MDM1: variants seen among roughly 807,000 people sequenced by gnomAD.
MDM1 encodes the protein Mdm1 nuclear protein.
A neutral mutation model predicts 89.1 loss-of-function variants in MDM1; 61 were observed. The ratio of observed to expected loss-of-function variants is 0.68; its 90% CI spans 0.56 to 0.85. MDM1 has a LOEUF of 0.85. Ranked by LOEUF, MDM1 falls within the 40% of genes least tolerant of loss-of-function variation. MDM1 has a pLI of 0.00. For missense variants in MDM1, 820 were observed against 846.5 expected, an observed-to-expected ratio of 0.97 and a Z score of 0.39; for synonymous variants, 290 against 294.1, an observed-to-expected ratio of 0.99 and a Z score of 0.14.
intron 8 of MDM1, 93 bp from the exon 9 acceptor site, chr12:68,316,346 C>G: frequency 1.5e-6 from 2 of 1,370,210 alleles, no homozygotes; most frequent in Non-Finnish European, 2.0e-6. Flanking sequence ...ACAAATACAG[C>G]CAGGGACCAA....
intron 4 of MDM1, among the ~76,000 whole-genome samples, chr12:68,324,746 G>A (rs551084888): frequency 7.2e-5 from 11 of 152,190 alleles, no homozygotes; most frequent in Non-Finnish European, 1.6e-4. Context: ...GATATTCCAA[G>A]TGGAGGTATT....
chr12:68,329,152 C>G (rs1219517773), intron 2 of MDM1, among the ~76,000 whole-genome samples: 1 of 152,092 alleles, frequency 6.6e-6, no homozygotes, highest in Admixed American at 6.6e-5. Flanking sequence ...AATGGAGGTT[C>G]AAATATGTGG....
chr12:68,330,400 A>C (rs1488986022), intron 2 of MDM1, among the ~76,000 whole-genome samples: 3 of 152,162 alleles, frequency 2.0e-5, no homozygotes, highest in Non-Finnish European at 4.4e-5. Context: ...CCAAATTACA[A>C]AGTTTTTCAG....
At chr12:68,315,346 T>C (rs1364202793) in intron 9 of MDM1, 81 bp from the exon 10 acceptor site, 1 of 1,325,996 alleles carries the variant, frequency 7.5e-7, no homozygotes, top group Non-Finnish European at 1.0e-6. Flanking sequence ...GAGTCCATCA[T>C]TTCCTTCTAC....
At position 68,321,371 on chromosome 12, in the gene MDM1, A is replaced by G. The variant is rs774708533; in HGVS notation, c.981T>C (p.His327=). ...QYLYKAGAWT[H]VKGNMPNQGS... is the part of the protein sequence containing the mutation. ...CCTGATTTGGCATGTTTCCCTTTAC[A>G]TGTGTCCAAGCCCCAGCTTTATATA... Residue 327 remains histidine (H), a synonymous_variant, in exon 7 of 15, where the codon CAT becomes CAC. Transcript: ENST00000682720. 9 of 1,613,724 alleles carry G rather than the reference A, an allele frequency of 5.6e-6. No individual in the cohort carries two copies. Among genetic ancestry groups the G allele is most frequent in the Non-Finnish European group, 7.6e-6 (9 of 1,179,852 alleles).
At position 68,316,610 on chromosome 12, in the gene MDM1, C is replaced by G. The variant is rs1874541454; in HGVS notation, c.1006G>C (p.Gly336Arg). The G allele has an allele frequency of 3.9e-6, 6 of 1,534,430 alleles. No individual in the cohort carries two copies. Among genetic ancestry groups the G allele is most frequent in the Non-Finnish European group, 3.5e-6 (4 of 1,145,698 alleles). Residue 336 changes from glycine to arginine, a missense_variant and splice_region_variant, in exon 8 of 15, where the codon GGT becomes CGT. By Grantham distance (125) the Gly-to-Arg change is moderately radical (BLOSUM62 -2). Coordinates refer to ENST00000682720, the MANE Select transcript of MDM1 (RefSeq NM_001354969.2). ...THVKGNMPNQ[G>R]SLNAMWYAEV... ...GCATACCACATGGCATTTAGAGAAC[C>G]CTAGAGAAGGAATACAGAAACACAC...
At chr12:68,296,293 T>A (rs530496951) in intron 14 of MDM1, among the ~76,000 whole-genome samples, 20 of 152,058 alleles carry the variant, frequency 1.3e-4, no homozygotes, top group East Asian at 9.7e-4. Flanking sequence ...AGGTCAGGAG[T>A]TTGAGACCAT....
chr12:68,313,586 T>G, intron 11 of MDM1, 34 bp from the exon 12 acceptor site: 1 of 1,607,506 alleles, frequency 6.2e-7, no homozygotes, highest in Non-Finnish European at 8.5e-7. Context: ...TCAATTACAC[T>G]AAATTAACAT....
chr12:68,301,737 AT>A (rs746008491), intron 13 of MDM1, among the ~76,000 whole-genome samples: 8 of 152,180 alleles, frequency 5.3e-5, no homozygotes, highest in Non-Finnish European at 1.0e-4. Flanking sequence ...GAAAGAGGAA[AT>A]AGAGAAAGGA....
At chr12:68,316,458 A>T in intron 8 of MDM1, 123 bp downstream of exon 8, 1 of 971,002 alleles carries the variant, frequency 1.0e-6, no homozygotes, top group Non-Finnish European at 1.5e-6. Flanking sequence ...ATTTTATTTC[A>T]GACCAGCAGG....
At position 68,308,732 on chromosome 12, in the gene MDM1, T is replaced by C. The variant is rs183183938; in HGVS notation, c.1749+4711A>G. Among the ~76,000 whole-genome samples the C allele has an allele frequency of 2.6e-3, 396 of 152,326 alleles. 2 individuals are homozygous for C. The highest frequency in any genetic ancestry group is 9.1e-3 in the African/African-American group (377 of 41,570). On this transcript the variant is annotated intron_variant, in intron 12 of 14. Transcript: ENST00000682720. ...AGATCCTAGAACAGTGCCTGGCACTTGGTAAGAGCCTATTAAATATTGAAT... is the reference window on the plus strand; with the variant it reads ...AGATCCTAGAACAGTGCCTGGCACTCGGTAAGAGCCTATTAAATATTGAAT...
intron 2 of MDM1, chr12:68,327,400 C>T (rs1199685765): frequency 1.3e-6 from 2 of 1,535,530 alleles, no homozygotes; most frequent in Non-Finnish European, 1.7e-6. Context: ...GGCCCTGGTA[C>T]TGTCAAAATT....
chr12:68,299,958 A>C (rs919773766), intron 13 of MDM1, among the ~76,000 whole-genome samples: 3 of 152,206 alleles, frequency 2.0e-5, no homozygotes, highest in Non-Finnish European at 1.5e-5. Flanking sequence ...TAACTTACAA[A>C]AGAAAAACAA....
intron 2 of MDM1, among the ~76,000 whole-genome samples, chr12:68,328,919 T>C (rs1876395907): frequency 6.6e-6 from 1 of 152,160 alleles, no homozygotes; most frequent in Non-Finnish European, 1.5e-5. Context: ...CTAACGTTCC[T>C]CCCCTAGTCC....
chr12:68,312,966 G>A (rs982842311), intron 12 of MDM1, among the ~76,000 whole-genome samples: 2 of 152,002 alleles, frequency 1.3e-5, no homozygotes, highest in Non-Finnish European at 1.5e-5. Flanking sequence ...GACTTCCCTG[G>A]CCACTTCCTG....
chr12:68,300,361 G>T (rs1243991372), intron 13 of MDM1, among the ~76,000 whole-genome samples: 1 of 152,050 alleles, frequency 6.6e-6, no homozygotes, highest in East Asian at 1.9e-4. Context: ...AACGTAAATG[G>T]CCTAAATGCT....
rs916418723 is a variant in MDM1 at position 68,294,965 on chromosome 12, T to C, written c.*289A>G. Reference sequence around the variant, plus strand: ...CTTCACTTTGTTTATTTTTTTAGAATACTCTCTGGATAGGTGAAAATCTAT... The same window carrying C: ...CTTCACTTTGTTTATTTTTTTAGAACACTCTCTGGATAGGTGAAAATCTAT... On this transcript the variant is annotated 3_prime_UTR_variant, in exon 15 of 15. Coordinates refer to ENST00000682720, the MANE Select transcript of MDM1 (RefSeq NM_001354969.2). The C allele has an allele frequency of 1.7e-5, 3 of 172,104 alleles. No individual in the cohort carries two copies. The highest frequency in any genetic ancestry group is 1.6e-4 in the South Asian group (1 of 6,100). 10.7% of individuals were successfully genotyped at this position (172,104 alleles called of 1,614,324 possible).
At chr12:68,301,319 T>A (rs1172636979) in intron 13 of MDM1, among the ~76,000 whole-genome samples, 1 of 152,132 alleles carries the variant, frequency 6.6e-6, no homozygotes. Context: ...GCAACTAAGA[T>A]GGAGGTGGAG....
In MDM1 at chr12:68,313,470, T is replaced by C. The variant is rs1873987262; in HGVS notation, c.1722A>G (p.Leu574=). The C allele has an allele frequency of 6.2e-7, 1 of 1,613,626 alleles. No homozygotes were observed. ...QRKRMTSQDC[L]ETSKNDFTKK... ...TAGTAAAATCATTCTTTGAAGTTTC[T>C]AAACAATCCTGAGAGGTCATTCTTT... Residue 574 remains leucine (L), a synonymous_variant, in exon 12 of 15, where the codon TTA becomes TTG. Transcript: ENST00000682720.
Sources: allele counts gnomAD v4.1 joint callset (sites outside exome capture counted in the v4.1 genomes callset), GRCh38; gene constraint gnomAD v4.1.1; transcripts MANE v1.5; gene names NCBI Gene and HGNC (gene_info 2026-07-23, HGNC 2026-07-21).